The following FOXN1 variants were observed in gnomAD, a reference collection of about 807,000 sequenced individuals.
FOXN1 encodes the protein forkhead box N1.
A neutral mutation model predicts 49.0 loss-of-function variants in FOXN1; 15 were observed. That is an observed-to-expected ratio of 0.31 (90% CI 0.20 to 0.47). The LOEUF (loss-of-function observed/expected upper bound fraction) is 0.47. Ranked by LOEUF, FOXN1 falls within the 20% of genes least tolerant of loss-of-function variation. The probability of loss-of-function intolerance (pLI) is 1.00; values close to 1 mark genes in which losing one functional copy is unlikely to be tolerated. For missense variants in FOXN1, 800 were observed against 842.8 expected (o/e 0.95, Z 0.63); for synonymous variants, 356 against 369.0 (o/e 0.96, Z 0.40).
At chr17:28,523,706 G>A (rs2069689425) in intron 1 of FOXN1, among the ~76,000 whole-genome samples, 3 of 152,106 alleles carry the variant, frequency 2.0e-5, no homozygotes. Context: ...GCTCCTACCT[G>A]GCTCACTTTG....
At chr17:28,514,472 C>T (rs891404251) in intron 1 of FOXN1, among the ~76,000 whole-genome samples, 53 of 152,114 alleles carry the variant, frequency 3.5e-4, no homozygotes, top group African/African-American at 1.3e-3. Context: ...AGCTAGAAAC[C>T]CCCTCTTTCT....
At position 28,506,402 on chromosome 17, in the gene FOXN1, C is replaced by G. The variant is rs1597521228; in HGVS notation, c.-56C>G. ...TGACAGACGGACAGAGCTCCTGGCC[C>G]CCCAGACCCGGGCCCCCACGCCGAC... On this transcript the variant is annotated 5_prime_UTR_variant, in exon 1 of 9. Coordinates refer to ENST00000579795, the MANE Select transcript of FOXN1 (RefSeq NM_001369369.1). The G allele has an allele frequency of 2.6e-5, 4 of 152,570 alleles. No homozygotes were observed. In the South Asian group the frequency reaches 8.3e-4, roughly 32 times the overall value. 9.5% of individuals were successfully genotyped at this position (152,570 alleles called of 1,614,324 possible).
intron 1 of FOXN1, among the ~76,000 whole-genome samples, chr17:28,519,957 TAAAC>T (rs1480449027): frequency 6.6e-6 from 1 of 152,130 alleles, no homozygotes; most frequent in African/African-American, 2.4e-5. Context: ...ACTCAGGCCT[TAAAC>T]AAACTCTGTC....
chr17:28,515,996 C>A (rs2069486012), intron 1 of FOXN1, among the ~76,000 whole-genome samples: 1 of 151,952 alleles, frequency 6.6e-6, no homozygotes, highest in Admixed American at 6.5e-5. Context: ...GGGGTACACA[C>A]CTCCAGAGGA....
intron 1 of FOXN1, among the ~76,000 whole-genome samples, chr17:28,522,601 C>T (rs2069662671): frequency 6.6e-6 from 1 of 151,700 alleles, no homozygotes; most frequent in African/African-American, 2.4e-5. Flanking sequence ...GAGCCGAGAG[C>T]ATGCCACCGC....
chr17:28,509,910 G>A (rs1317178217), intron 1 of FOXN1, among the ~76,000 whole-genome samples: 2 of 152,164 alleles, frequency 1.3e-5, no homozygotes, highest in African/African-American at 2.4e-5. Context: ...GCGCATCCCC[G>A]GGTCTCTACC....
intron 1 of FOXN1, among the ~76,000 whole-genome samples, chr17:28,510,555 GACACACACACACACGCACACACACGCAC>G (rs1567869667): frequency 7.5e-6 from 1 of 132,872 alleles, no homozygotes. Context: ...CATGAGGAAG[GACACACACACACACGCACACACACGCAC>G]ACACACACAC....
At chr17:28,523,116 G>T (rs1485820070) in intron 1 of FOXN1, among the ~76,000 whole-genome samples, 3 of 152,192 alleles carry the variant, frequency 2.0e-5, no homozygotes, top group African/African-American at 4.8e-5. Context: ...TTAGGGACAG[G>T]GTTCCCCTAT....
At chr17:28,530,707 C>G (rs778366866) in intron 5 of FOXN1, 42 bp from the exon 6 acceptor site, 70 of 1,141,174 alleles carry the variant, frequency 6.1e-5, no homozygotes, top group Non-Finnish European at 9.1e-5. Flanking sequence ...GCTCAGGACC[C>G]AGTCAGAGGT....
chr17:28,509,344 A>G (rs1425654576), intron 1 of FOXN1, among the ~76,000 whole-genome samples: 2 of 132,920 alleles, frequency 1.5e-5, no homozygotes, highest in African/African-American at 5.9e-5. Flanking sequence ...ACTTGCCTCC[A>G]TCACCACCAC....
intron 3 of FOXN1, among the ~76,000 whole-genome samples, chr17:28,526,167 A>C (rs2069761922): frequency 6.6e-6 from 1 of 152,232 alleles, no homozygotes; most frequent in African/African-American, 2.4e-5. Flanking sequence ...CTCCAGAGAC[A>C]CACAGGTATC....
intron 2 of FOXN1, 58 bp downstream of exon 2, chr17:28,524,150 C>G: frequency 6.6e-7 from 1 of 1,521,186 alleles, no homozygotes; most frequent in Non-Finnish European, 8.9e-7. Context: ...GCCCAGGCAA[C>G]AAGAAGACCA....
At chr17:28,526,338 C>T (rs117765227) in intron 3 of FOXN1, among the ~76,000 whole-genome samples, 3,192 of 152,322 alleles carry the variant, frequency 0.021, 42 homozygotes, top group Non-Finnish European at 0.03. Flanking sequence ...CAGGGCACAC[C>T]CAGAGAGAGG....
chr17:28,517,178 G>GTCCACACCTCCACAGGT (rs2069528502), intron 1 of FOXN1, among the ~76,000 whole-genome samples: 3 of 104,408 alleles, frequency 2.9e-5, no homozygotes, highest in Non-Finnish European at 6.2e-5. Context: ...CCTCCACAGG[G>GTCCACACCTCCACAGGT]TACACACCTC....
intron 5 of FOXN1, among the ~76,000 whole-genome samples, 191 bp downstream of exon 5, chr17:28,529,415 C>T (rs113211532): frequency 5.4e-4 from 82 of 152,302 alleles, no homozygotes; most frequent in African/African-American, 1.8e-3. Context: ...AGCTCTGACC[C>T]TTTGTCTAAG....
intron 3 of FOXN1, among the ~76,000 whole-genome samples, chr17:28,526,622 C>A (rs1185921379): frequency 6.6e-6 from 1 of 152,214 alleles, no homozygotes; most frequent in African/African-American, 2.4e-5. Context: ...TCACGCAGGC[C>A]AGCAACTGTG....
At chr17:28,525,797 GA>G (rs974749361) in intron 3 of FOXN1, among the ~76,000 whole-genome samples, 5 of 152,080 alleles carry the variant, frequency 3.3e-5, no homozygotes, top group African/African-American at 4.8e-5. Flanking sequence ...GGAAGATGGA[GA>G]AGGCGGTTGG....
chr17:28,531,409 G>C (rs1014059683), intron 6 of FOXN1, among the ~76,000 whole-genome samples: 2 of 152,086 alleles, frequency 1.3e-5, no homozygotes, highest in African/African-American at 2.4e-5. Context: ...CCAACCCCTT[G>C]GGCAGAATCT....
At chr17:28,535,224 G>A (rs558081551) in intron 8 of FOXN1, 26 bp downstream of exon 8, 1 of 1,610,132 alleles carries the variant, frequency 6.2e-7, no homozygotes, top group Non-Finnish European at 8.5e-7. Context: ...GAAAGGGAAG[G>A]TGGGACAGGA....
Sources: gnomAD v4.1 joint callset for allele counts (sites outside exome capture counted in the v4.1 genomes callset) on GRCh38, gnomAD v4.1.1 for gene constraint, MANE v1.5 for transcripts, NCBI Gene and HGNC (gene_info 2026-07-23, HGNC 2026-07-21) for gene names.